The following SLC24A4 variants were observed in gnomAD, a reference collection of about 807,000 sequenced individuals.
SLC24A4 encodes the protein sodium/potassium/calcium exchanger 4.
A neutral mutation model predicts 79.0 loss-of-function variants in SLC24A4; 53 were observed. The ratio of observed to expected loss-of-function variants is 0.67; its 90% confidence interval spans 0.54 to 0.84. The LOEUF (loss-of-function observed/expected upper bound fraction) is 0.84. Ranked by LOEUF, SLC24A4 falls within the 40% of genes least tolerant of loss-of-function variation. The probability of loss-of-function intolerance (pLI) is 0.00; values close to 1 mark genes in which losing one functional copy is unlikely to be tolerated. For missense variants in SLC24A4, 731 were observed against 822.0 expected, an observed-to-expected ratio of 0.89 and a Z score of 1.35; for synonymous variants, 323 against 323.8, an observed-to-expected ratio of 1.00 and a Z score of 0.03.
intron 2 of SLC24A4, among the ~76,000 whole-genome samples, chr14:92,364,804 T>A (rs1312797340): frequency 2.0e-5 from 3 of 152,230 alleles, no homozygotes; most frequent in Non-Finnish European, 2.9e-5. Context: ...GGCAGGTGGC[T>A]CCTGCTCCAT....
intron 2 of SLC24A4, among the ~76,000 whole-genome samples, chr14:92,388,875 C>G (rs1329578758): frequency 1.3e-5 from 2 of 152,222 alleles, no homozygotes; most frequent in Non-Finnish European, 2.9e-5. Context: ...GCTCCTGCCT[C>G]TGGGCAGCCT....
chr14:92,390,428 T>C (rs1889401462), intron 2 of SLC24A4, among the ~76,000 whole-genome samples: 1 of 152,138 alleles, frequency 6.6e-6, no homozygotes, highest in Non-Finnish European at 1.5e-5. Context: ...CTGAACACTT[T>C]TGCCACAATT....
intron 6 of SLC24A4, 79 bp from the exon 7 acceptor site, chr14:92,443,321 G>C (rs956995593): frequency 1.6e-5 from 22 of 1,356,284 alleles, no homozygotes; most frequent in South Asian, 8.3e-5. Flanking sequence ...CCTGCACTGC[G>C]GGGGGAGGAG....
At chr14:92,487,133 A>G (rs1380691652) in intron 14 of SLC24A4, among the ~76,000 whole-genome samples, 2 of 152,226 alleles carry the variant, frequency 1.3e-5, no homozygotes, top group African/African-American at 2.4e-5. Context: ...CCAGAAAGGC[A>G]AAGCACTGGC....
intron 12 of SLC24A4, among the ~76,000 whole-genome samples, chr14:92,480,260 T>A (rs1894981450): frequency 6.7e-6 from 1 of 149,774 alleles, no homozygotes; most frequent in South Asian, 2.1e-4. Flanking sequence ...AGGAGAAAGG[T>A]TTGGACATTG....
intron 12 of SLC24A4, among the ~76,000 whole-genome samples, chr14:92,465,561 C>T (rs898458631): frequency 1.3e-5 from 2 of 152,152 alleles, no homozygotes; most frequent in African/African-American, 4.8e-5. Flanking sequence ...GGATCGGCAC[C>T]AGCCGAGGGA....
intron 2 of SLC24A4, among the ~76,000 whole-genome samples, chr14:92,425,970 G>A (rs1053623662): frequency 1.3e-5 from 2 of 152,078 alleles, no homozygotes; most frequent in Non-Finnish European, 2.9e-5. Context: ...GTGACAGAGT[G>A]AGACCCTGTT....
chr14:92,446,447 A>T (rs913969423), intron 8 of SLC24A4, among the ~76,000 whole-genome samples: 6 of 152,106 alleles, frequency 3.9e-5, no homozygotes, highest in South Asian at 2.1e-4. Flanking sequence ...ATGATTATTT[A>T]TGGAAAGAGA....
At chr14:92,345,695 C>T (rs1265046614) in intron 2 of SLC24A4, among the ~76,000 whole-genome samples, 1 of 151,608 alleles carries the variant, frequency 6.6e-6, no homozygotes, top group Non-Finnish European at 1.5e-5. Flanking sequence ...GAGCAAGCCT[C>T]CATCTAGAAA....
chr14:92,355,172 C>T (rs11623214), intron 2 of SLC24A4, among the ~76,000 whole-genome samples: 123,412 of 152,172 alleles, frequency 0.81, 50,854 homozygotes, highest in East Asian at 0.97. Context: ...GTTGAAATAT[C>T]ATCTAGGCTG....
intron 2 of SLC24A4, among the ~76,000 whole-genome samples, chr14:92,419,602 C>T (rs72631610): frequency 0.066 from 10,056 of 152,264 alleles, 443 homozygotes; most frequent in East Asian, 0.096. Context: ...AATTTATCAT[C>T]CAAACTGTGA....
intron 14 of SLC24A4, among the ~76,000 whole-genome samples, chr14:92,488,197 G>C (rs1014947912): frequency 6.6e-6 from 1 of 151,048 alleles, no homozygotes; most frequent in East Asian, 2.0e-4. Flanking sequence ...TCACCCTTCC[G>C]AGTAGCCAGG....
chr14:92,348,019 C>G (rs1886638721), intron 2 of SLC24A4, among the ~76,000 whole-genome samples: 2 of 152,224 alleles, frequency 1.3e-5, no homozygotes, highest in African/African-American at 4.8e-5. Flanking sequence ...AGGTTGTTCT[C>G]ATCATATTCA....
intron 2 of SLC24A4, among the ~76,000 whole-genome samples, chr14:92,433,067 C>T (rs1891962327): frequency 6.6e-6 from 1 of 152,164 alleles, no homozygotes; most frequent in Admixed American, 6.5e-5. Context: ...CAGGCCTGGC[C>T]TAGGTACTGA....
intron 14 of SLC24A4, among the ~76,000 whole-genome samples, chr14:92,489,574 A>G (rs1895563973): frequency 6.6e-6 from 1 of 152,192 alleles, no homozygotes; most frequent in Non-Finnish European, 1.5e-5. Context: ...AGCACATAGC[A>G]TGGTCCTAGC....
intron 2 of SLC24A4, among the ~76,000 whole-genome samples, chr14:92,342,033 A>T (rs1437222893): frequency 6.6e-6 from 1 of 152,156 alleles, no homozygotes; most frequent in African/African-American, 2.4e-5. Context: ...GGAAGAAAGG[A>T]AAGGTGGGGA....
chr14:92,374,272 A>G (rs8022344), intron 2 of SLC24A4, among the ~76,000 whole-genome samples: 145,694 of 152,282 alleles, frequency 0.96, 70,046 homozygotes, highest in East Asian at 1. Flanking sequence ...ATCAGCCAGA[A>G]GAGGTGGTGT....
intron 3 of SLC24A4, among the ~76,000 whole-genome samples, chr14:92,438,130 A>ACTG (rs3032658): frequency 0.022 from 3,356 of 152,180 alleles, 109 homozygotes; most frequent in African/African-American, 0.07. Context: ...GTCCCACAAG[A>ACTG]CTGCTTCTTT....
intron 2 of SLC24A4, among the ~76,000 whole-genome samples, chr14:92,427,708 A>T (rs941500073): frequency 6.6e-6 from 1 of 152,276 alleles, no homozygotes; most frequent in Admixed American, 6.5e-5. Context: ...TTCAACAGAA[A>T]GGAATTTAAT....
Sources: allele counts gnomAD v4.1 joint callset (sites outside exome capture counted in the v4.1 genomes callset), GRCh38; gene constraint gnomAD v4.1.1; transcripts MANE v1.5; gene names NCBI Gene and HGNC (gene_info 2026-07-23, HGNC 2026-07-21).